The following ZNF641 variants were observed in gnomAD, a reference collection of about 807,000 sequenced individuals.
ZNF641 encodes the protein zinc finger protein 641.
A neutral mutation model predicts 46.2 loss-of-function variants in ZNF641; 26 were observed. The observed-to-expected ratio is 0.56, with a 90% CI of 0.41 to 0.78. The LOEUF (loss-of-function observed/expected upper bound fraction) is 0.78. ZNF641 is among the 30% of genes least tolerant of loss of function. The probability of loss-of-function intolerance (pLI) is 0.00; values close to 1 mark genes in which losing one functional copy is unlikely to be tolerated. For synonymous variants in ZNF641, 163 were observed against 187.9 expected (o/e 0.87, Z 1.09); for missense variants, 469 against 517.8 (o/e 0.91, Z 0.91).
rs1158127607 is a variant in ZNF641, at chr12:48,339,296, G to GA, written c.*3676dup. The GA allele has an allele frequency of 1.3e-5, 2 of 152,176 alleles. No homozygotes were observed. The highest frequency in any genetic ancestry group is 4.8e-5 in the African/African-American group (2 of 41,440). The allele number at this position is 152,176 out of a possible 1,614,324, so 9.4% of individuals were successfully genotyped here. A position where few individuals can be genotyped will look rare whatever the true frequency, so the allele number is the denominator to read the frequency against. ...CGAAAAGGGTGAGGTACCACTGCTT[G>GA]AAATATGAATCCCCTAGCCAGTGGT... On this transcript the variant is annotated 3_prime_UTR_variant, in exon 6 of 6. Coordinates refer to ENST00000547026, the MANE Select transcript of ZNF641 (RefSeq NM_001172681.2).
At chr12:48,335,356 G>A (rs1031253170), downstream of ZNF641, among the ~76,000 whole-genome samples, 7 of 152,196 alleles carry the variant, frequency 4.6e-5, no homozygotes, top group Non-Finnish European at 1.0e-4. Context: ...GCAATACTAG[G>A]TGGTCTAGTA....
upstream of ZNF641, chr12:48,351,175 G>C (rs1209440508): frequency 2.0e-5 from 3 of 152,288 alleles, no homozygotes; most frequent in African/African-American, 7.2e-5. Flanking sequence ...GCAGCCTGCT[G>C]TGGCCACTTG....
intron 1 of ZNF641, chr12:48,349,991 G>C: frequency 1.2e-6 from 2 of 1,610,104 alleles, no homozygotes; most frequent in Non-Finnish European, 1.7e-6. Context: ...CTATACCACT[G>C]ACAGAAATCC....
Position 48,340,446 on chromosome 12 carries a change from A to T in ZNF641, c.*2527T>A. 2 of 985,486 alleles carry T rather than the reference A, an allele frequency of 2.0e-6. No individual in the cohort carries two copies. The highest frequency in any genetic ancestry group is 2.4e-6 in the Non-Finnish European group (2 of 829,940). The allele number at this position is 985,486 out of a possible 1,614,324, so 61.0% of individuals were successfully genotyped here. A position where few individuals can be genotyped will look rare whatever the true frequency, so the allele number is the denominator to read the frequency against. Reference sequence around the variant, plus strand: ...GAGGAGCTGGATTTGTCAGCATGTCAGATCTTTTTGAAAACCAGAGAGTAG... The same window carrying T: ...GAGGAGCTGGATTTGTCAGCATGTCTGATCTTTTTGAAAACCAGAGAGTAG... On this transcript the variant is annotated 3_prime_UTR_variant, in exon 6 of 6. Coordinates refer to ENST00000547026, the MANE Select transcript of ZNF641 (RefSeq NM_001172681.2).
intron 5 of ZNF641, 46 bp from the exon 6 acceptor site, chr12:48,343,773 G>C (rs1261079906): frequency 1.1e-5 from 16 of 1,434,744 alleles, no homozygotes; most frequent in Non-Finnish European, 1.5e-5. Context: ...AGTCACAAGA[G>C]AGTGCTTGAG....
Position 48,343,419 on chromosome 12 carries a change from G to T in ZNF641, c.829C>A (p.Pro277Thr). Residue 277 changes from proline to threonine, a missense_variant, in exon 6 of 6, where the codon CCC becomes ACC. Physicochemically the swap from Pro to Thr is conservative, Grantham distance 38. Coordinates refer to ENST00000547026, the MANE Select transcript of ZNF641 (RefSeq NM_001172681.2). ...TTCTCACACTTGAGGCAGCTGTAGG[G>T]TCTCTCCCCAGTGTGTGTTTGTTGA... Reference protein sequence around the residue: ...RHQQTHTGERPYSCLKCEKTF... With the variant: ...RHQQTHTGERTYSCLKCEKTF... The T allele has an allele frequency of 1.2e-6, 2 of 1,614,182 alleles. No individual in the cohort carries two copies. The highest frequency in any genetic ancestry group is 8.5e-7 in the Non-Finnish European group (1 of 1,180,042).
In ZNF641 at chr12:48,343,558, C is replaced by A; in HGVS notation, c.690G>T (p.Gln230His). 1 of 1,605,510 alleles carries A rather than the reference C, an allele frequency of 6.2e-7. No individual in the cohort carries two copies. Reference sequence around the variant, plus strand: ...ACAGCAGGTTTGAGAAACTATCTTCCTGAAGAAAAGGGGGCCCCAGGAGCA... The same window carrying A: ...ACAGCAGGTTTGAGAAACTATCTTCATGAAGAAAAGGGGGCCCCAGGAGCA... Reference protein sequence around the residue: ...RGMLLGPPFLQEDSFSNLLCS... With the variant: ...RGMLLGPPFLHEDSFSNLLCS... The change falls in exon 6 of 6, where the codon CAG becomes CAT. Residue 230 changes from glutamine to histidine, a missense_variant. Coordinates refer to ENST00000547026, the MANE Select transcript of ZNF641 (RefSeq NM_001172681.2).
chr12:48,348,440 T>C (rs558026611), intron 1 of ZNF641, among the ~76,000 whole-genome samples: 2 of 152,356 alleles, frequency 1.3e-5, no homozygotes. Context: ...AGGCTATCCA[T>C]TTAATTTCAA....
At chr12:48,349,870 C>T (rs1323455889) in intron 1 of ZNF641, among the ~76,000 whole-genome samples, 2 of 152,212 alleles carry the variant, frequency 1.3e-5, no homozygotes, top group East Asian at 1.9e-4. Flanking sequence ...TTACCTCTAG[C>T]TACATATCTG....
Position 48,342,635 on chromosome 12 carries a change from T to C in ZNF641, c.*338A>G. ...CAGTATGCAAGAGTGATACTCAAAATGTTTAACAACTGGTATAGCATAGAC... is the reference window on the plus strand; with the variant it reads ...CAGTATGCAAGAGTGATACTCAAAACGTTTAACAACTGGTATAGCATAGAC... On this transcript the variant is annotated 3_prime_UTR_variant, in exon 6 of 6. Coordinates refer to ENST00000547026, the MANE Select transcript of ZNF641 (RefSeq NM_001172681.2). 1 of 474,180 alleles carries C rather than the reference T, an allele frequency of 2.1e-6. No individual in the cohort carries two copies. The highest frequency in any genetic ancestry group is 3.0e-6 in the Non-Finnish European group (1 of 333,304). 29.4% of individuals were successfully genotyped at this position (474,180 alleles called of 1,614,324 possible). A position where few individuals can be genotyped will look rare whatever the true frequency, so the allele number is the denominator to read the frequency against.
chr12:48,349,740 T>G (rs1952975811), intron 1 of ZNF641, among the ~76,000 whole-genome samples: 1 of 152,222 alleles, frequency 6.6e-6, no homozygotes. Context: ...AAACTTCCAT[T>G]TTAGCTCTCT....
At chr12:48,348,602 A>T (rs1199121728) in intron 1 of ZNF641, among the ~76,000 whole-genome samples, 1 of 152,266 alleles carries the variant, frequency 6.6e-6, no homozygotes, top group Non-Finnish European at 1.5e-5. Context: ...TACTATAGGT[A>T]AAAGTCCCAA....
Position 48,341,653 on chromosome 12 carries a change from C to G in ZNF641, c.*1320G>C. 1.0e-6 allele frequency: 1 copy of G among 985,434 alleles called. No individual in the cohort carries two copies. Among genetic ancestry groups the G allele is most frequent in the Non-Finnish European group, 1.2e-6 (1 of 829,932 alleles). The allele number at this position is 985,434 out of a possible 1,614,324, so 61.0% of individuals were successfully genotyped here. A position where few individuals can be genotyped will look rare whatever the true frequency, so the allele number is the denominator to read the frequency against. On this transcript the variant is annotated 3_prime_UTR_variant, in exon 6 of 6. Transcript: ENST00000547026. ...CAGTGATGGCAACAACTTGCAAACA[C>G]GTAATTCCTGCCCTAATTTTCCAGC...
Position 48,345,910 on chromosome 12 carries a change from AT to A in ZNF641, c.277-437del, listed in dbSNP as rs11374696. On this transcript the variant is annotated intron_variant, in intron 3 of 5. Coordinates refer to ENST00000547026, the MANE Select transcript of ZNF641 (RefSeq NM_001172681.2). ...TCTTTCTTGCCTCCCTTGCCACAGC[AT>A]TTTTTTTTTTTTGAGACGGAGTCTC... Among the ~76,000 whole-genome samples, 529 of 146,544 alleles carry A rather than the reference AT, an allele frequency of 3.6e-3. 4 individuals are homozygous for A. The highest frequency in any genetic ancestry group is 0.014 in the Admixed American group (208 of 14,810).
chr12:48,335,887 A>G (rs1952601065), downstream of ZNF641, among the ~76,000 whole-genome samples: 1 of 152,206 alleles, frequency 6.6e-6, no homozygotes. Context: ...ACTTTAGTCA[A>G]AGCAAATTGA....
chr12:48,340,614 G>A lies in ZNF641; in HGVS notation c.*2359C>T, dbSNP rs149076122. 2.3e-5 allele frequency: 23 copies of A among 985,350 alleles called. No individual in the cohort carries two copies. In the South Asian group the frequency reaches 3.3e-4, roughly 14 times the overall value. 61.0% of individuals were successfully genotyped at this position (985,350 alleles called of 1,614,324 possible). A position where few individuals can be genotyped will look rare whatever the true frequency, so the allele number is the denominator to read the frequency against. On this transcript the variant is annotated 3_prime_UTR_variant, in exon 6 of 6. Coordinates refer to ENST00000547026, the MANE Select transcript of ZNF641 (RefSeq NM_001172681.2). ...AAATATATAATGACCATTTTAGATC[G>A]GGGAACTCCCTTTCTTTGAAGGCAG...
Position 48,342,040 on chromosome 12 carries a change from A to G in ZNF641, c.*933T>C, listed in dbSNP as rs1489142750. 2 of 985,392 alleles carry G rather than the reference A, an allele frequency of 2.0e-6. No homozygotes were observed. The highest frequency in any genetic ancestry group is 2.4e-6 in the Non-Finnish European group (2 of 829,986). The allele number at this position is 985,392 out of a possible 1,614,324, so 61.0% of individuals were successfully genotyped here. Reference sequence around the variant, plus strand: ...TTTGCACATAGCATGCTGTCTTCAAAGACCCTGCACACAAATACACAGACA... The same window carrying G: ...TTTGCACATAGCATGCTGTCTTCAAGGACCCTGCACACAAATACACAGACA... On this transcript the variant is annotated 3_prime_UTR_variant, in exon 6 of 6. Coordinates refer to ENST00000547026, the MANE Select transcript of ZNF641 (RefSeq NM_001172681.2).
downstream of ZNF641, among the ~76,000 whole-genome samples, chr12:48,334,679 T>C (rs1227271526): frequency 1.4e-5 from 1 of 72,864 alleles, no homozygotes; most frequent in African/African-American, 4.6e-5. Flanking sequence ...ACATTGTCTA[T>C]TGAACACAAT....
In ZNF641 at chr12:48,342,119, TTGTTTTTC is replaced by T. The variant is rs1176429644; in HGVS notation, c.*846_*853del. 7.3e-5 allele frequency: 72 copies of T among 985,386 alleles called. No homozygotes were observed. The Admixed American group carries it at 9.2e-4, about 13-fold the overall frequency. The allele number at this position is 985,386 out of a possible 1,614,324, so 61.0% of individuals were successfully genotyped here. On this transcript the variant is annotated 3_prime_UTR_variant, in exon 6 of 6. Transcript: ENST00000547026. ...ACTGTTCAAGGGGATAAAGTTTTTT[TTGTTTTTC>T]TGTTTTTCTGTGTGGGCCAGGGCTA...
Sources: allele counts gnomAD v4.1 joint callset (sites outside exome capture counted in the v4.1 genomes callset), GRCh38; gene constraint gnomAD v4.1.1; transcripts MANE v1.5; gene names NCBI Gene and HGNC (gene_info 2026-07-23, HGNC 2026-07-21).